TLN1: variants seen among roughly 807,000 people sequenced by gnomAD.
TLN1 encodes talin 1.
A neutral mutation model predicts 292.3 loss-of-function variants in TLN1; 56 were observed. The ratio of observed to expected loss-of-function variants is 0.19; its 90% CI spans 0.15 to 0.24. The LOEUF (loss-of-function observed/expected upper bound fraction) is 0.24, where lower values mean the gene tolerates loss of function less well. Among genes scored for constraint, TLN1 ranks in the 10% least tolerant of loss-of-function variants. The pLI is 1.00. For synonymous variants in TLN1, 1,119 were observed against 1,253.7 expected, an observed-to-expected ratio of 0.89 and a Z score of 2.27; for missense variants, 2,433 against 3,248.2, an observed-to-expected ratio of 0.75 and a Z score of 6.10.
Position 35,707,411 on chromosome 9 carries a change from G to A in TLN1, c.4710C>T (p.Asp1570=), listed in dbSNP as rs750170503. The A allele has an allele frequency of 1.2e-6, 2 of 1,614,174 alleles. No homozygotes were observed. The highest frequency in any genetic ancestry group is 3.3e-5 in the Admixed American group (2 of 60,020). The change falls in exon 36 of 57, where the codon GAC becomes GAT. Residue 1570 remains aspartate (D), a synonymous_variant. Transcript: ENST00000314888. This position sits in a 1 kb window ranked among gnomAD's most constrained non-coding sequence, Gnocchi z 5.6. ...AATAPLLEAV[D]NLSAFASNPE... ...GGTTGGACGCAAAGGCACTCAGATT[G>A]TCCACAGCCTCCAGCAGAGGGGCTG... is the stretch of plus-strand genomic sequence containing the variant.
At position 35,717,540 on chromosome 9, in the gene TLN1, A is replaced by G; in HGVS notation, c.2163+79T>C. 1 of 1,577,048 alleles carries G rather than the reference A, an allele frequency of 6.3e-7. No individual in the cohort carries two copies. Among genetic ancestry groups the G allele is most frequent in the Non-Finnish European group, 8.6e-7 (1 of 1,156,390 alleles). ...GATGGGTGAGGAGGCCTCCAGAGCC[A>G]AAGAAATAAAATGAAAGGCTCACGT... On this transcript the variant is annotated intron_variant, in intron 18 of 56. Transcript: ENST00000314888. This position sits in a 1 kb window ranked among gnomAD's most constrained non-coding sequence, Gnocchi z 4.7.
At position 35,724,471 on chromosome 9, in the gene TLN1, T is replaced by C; in HGVS notation, c.511+101A>G. ...GTGTAGGACTTTGTTTTCTCACTGATGTATCCCCAGGGTGTAAAACAGTGC... is the reference window on the plus strand; with the variant it reads ...GTGTAGGACTTTGTTTTCTCACTGACGTATCCCCAGGGTGTAAAACAGTGC... On this transcript the variant is annotated intron_variant, in intron 5 of 56. Coordinates refer to ENST00000314888, the MANE Select transcript of TLN1 (RefSeq NM_006289.4). The surrounding 1 kb of genome is among the most constrained non-coding windows in gnomAD (Gnocchi z 4.7). The C allele has an allele frequency of 1.3e-6, 2 of 1,562,706 alleles. No individual in the cohort carries two copies. Among genetic ancestry groups the C allele is most frequent in the South Asian group, 1.2e-5 (1 of 84,618 alleles).
intron 34 of TLN1, chr9:35,708,105 T>A: frequency 1.4e-6 from 1 of 716,548 alleles, no homozygotes; most frequent in Non-Finnish European, 2.2e-6. Context: ...GGAGAAACCA[T>A]AAGAGGGCAT....
In TLN1 at chr9:35,719,995, G is replaced by C. The variant is rs574054747; in HGVS notation, c.1464+44C>G. ...AACTCCTGGCTCGGCCCAGCTGAGG[G>C]TGAGAGAAGGGCCCTGGCACCGTGG... On this transcript the variant is annotated intron_variant, in intron 13 of 56. Transcript: ENST00000314888. This position sits in a 1 kb window ranked among gnomAD's most constrained non-coding sequence, Gnocchi z 4.6. 6.3e-7 allele frequency: 1 copy of C among 1,581,164 alleles called. No homozygotes were observed. The highest frequency in any genetic ancestry group is 2.2e-5 in the East Asian group (1 of 44,582).
chr9:35,710,649 T>C lies in TLN1; in HGVS notation c.4238A>G (p.Asn1413Ser). 6.2e-7 allele frequency: 1 copy of C among 1,614,202 alleles called. No individual in the cohort carries two copies. ...CTCTGGCAGGTTTCCGTTCTTGGCATTTTGGGAGATGCCAGTCATGGCCTC... is the reference window on the plus strand; with the variant it reads ...CTCTGGCAGGTTTCCGTTCTTGGCACTTTGGGAGATGCCAGTCATGGCCTC... Reference protein sequence around the residue: ...LGEAMTGISQNAKNGNLPEFG... With the variant: ...LGEAMTGISQSAKNGNLPEFG... The change falls in exon 33 of 57, where the codon AAT becomes AGT. Residue 1413 changes from asparagine (N) to serine (S), a missense_variant. Physicochemically the swap from Asn to Ser is conservative, Grantham distance 46. This residue lies in a region of TLN1 where 1,384 missense variants were observed against 1,699.6 expected (regional missense o/e 0.81). Transcript: ENST00000314888.
intron 33 of TLN1, among the ~76,000 whole-genome samples, chr9:35,709,182 C>G (rs1825616239): frequency 6.6e-6 from 1 of 152,184 alleles, no homozygotes; most frequent in South Asian, 2.1e-4. Flanking sequence ...GTAGTCCCAG[C>G]TACTCGGGAG....
intron 7 of TLN1, chr9:35,723,736 G>T: frequency 1.7e-6 from 1 of 602,552 alleles, no homozygotes; most frequent in African/African-American, 1.9e-5. Context: ...CTTCAGAGAT[G>T]GGGGTAGGGG....
intron 33 of TLN1, 69 bp downstream of exon 33, chr9:35,710,492 T>C (rs887581670): frequency 8.3e-6 from 13 of 1,566,326 alleles, no homozygotes; most frequent in Middle Eastern, 4.7e-4. Flanking sequence ...TCTACAGGTA[T>C]GTCAGGCTGA....
chr9:35,700,734 C>T (rs1825451022), intron 48 of TLN1, among the ~76,000 whole-genome samples: 2 of 152,132 alleles, frequency 1.3e-5, no homozygotes, highest in South Asian at 4.1e-4. Context: ...AAGGAATGTT[C>T]TGGAATATAG....
At position 35,705,545 on chromosome 9, in the gene TLN1, G is replaced by C. The variant is rs186851757; in HGVS notation, c.5733+6C>G. ...GGGGGCAGGGCAGAGTTGCCTCCACGTTTACCTCTTCATTTTCAGCAGCCA... is the reference window on the plus strand; with the variant it reads ...GGGGGCAGGGCAGAGTTGCCTCCACCTTTACCTCTTCATTTTCAGCAGCCA... On this transcript the variant is annotated splice_donor_region_variant and intron_variant, in intron 43 of 56. Transcript: ENST00000314888. The C allele has an allele frequency of 1.3e-6, 2 of 1,575,962 alleles. No individual in the cohort carries two copies. Among genetic ancestry groups the C allele is most frequent in the Non-Finnish European group, 1.7e-6 (2 of 1,158,654 alleles).
At position 35,714,586 on chromosome 9, in the gene TLN1, C is replaced by G; in HGVS notation, c.2973G>C (p.Gln991His). The G allele has an allele frequency of 6.2e-7, 1 of 1,611,080 alleles. No individual in the cohort carries two copies. The highest frequency in any genetic ancestry group is 1.3e-5 in the African/African-American group (1 of 75,034). ...GGGGGTGCCTTGCCTGCAGGAAGCT[C>G]TGGCTGGCAGCAATGAGGGCAAGCT... is the stretch of plus-strand genomic sequence containing the variant. ...SAQLALIAAS[Q>H]SFLQPGGKMV... The change falls in exon 23 of 57, where the codon CAG (glutamine) becomes CAC (histidine). Residue 991 changes from glutamine to histidine, a missense_variant. Physicochemically the swap from Gln to His is conservative, Grantham distance 24 (BLOSUM62 0). Coordinates refer to ENST00000314888, the MANE Select transcript of TLN1 (RefSeq NM_006289.4). This position sits in a 1 kb window ranked among gnomAD's most constrained non-coding sequence, Gnocchi z 4.6.
chr9:35,729,075 A>C (rs138623595), intron 1 of TLN1, among the ~76,000 whole-genome samples: 29 of 139,156 alleles, frequency 2.1e-4, no homozygotes, highest in Admixed American at 8.8e-4. Context: ...TTTATTGACT[A>C]TGTCACTTGC....
At chr9:35,729,678 G>A (rs1257411315) in intron 1 of TLN1, among the ~76,000 whole-genome samples, 1 of 141,328 alleles carries the variant, frequency 7.1e-6, no homozygotes, top group East Asian at 2.4e-4. Context: ...GTTTGGGGAG[G>A]TAGAAATGAC....
At position 35,724,322 on chromosome 9, in the gene TLN1, T is replaced by C. The variant is rs749963448; in HGVS notation, c.524A>G (p.Asp175Gly). The C allele has an allele frequency of 6.2e-7, 1 of 1,614,138 alleles. No individual in the cohort carries two copies. Among genetic ancestry groups the C allele is most frequent in the Non-Finnish European group, 8.5e-7 (1 of 1,180,024 alleles). Reference sequence around the variant, plus strand: ...CTGCTCCCTCAGTGTCCGACCATGGTCCAGCCAGTTCACTGGGATACAGAC... The same window carrying C: ...CTGCTCCCTCAGTGTCCGACCATGGCCCAGCCAGTTCACTGGGATACAGAC... ...LHTDDELNWLDHGRTLREQGV... is the reference protein window; with the variant it reads ...LHTDDELNWLGHGRTLREQGV... The change falls in exon 6 of 57, where the codon GAC becomes GGC. Residue 175 changes from aspartate (D) to glycine (G), a missense_variant. By Grantham distance (94) the Asp-to-Gly change is moderately conservative (BLOSUM62 -1). Coordinates refer to ENST00000314888, the MANE Select transcript of TLN1 (RefSeq NM_006289.4). This position sits in a 1 kb window ranked among gnomAD's most constrained non-coding sequence, Gnocchi z 4.7.
chr9:35,725,761 C>T (rs1008234969), intron 1 of TLN1, 34 bp from the exon 2 acceptor site: 13 of 1,576,414 alleles, frequency 8.2e-6, no homozygotes, highest in Admixed American at 5.1e-5. Flanking sequence ...AGAATACACT[C>T]TTCTGGTGGG....
Position 35,719,429 on chromosome 9 carries a change from C to T in TLN1, c.1687+90G>A. The T allele has an allele frequency of 1.5e-6, 2 of 1,370,228 alleles. No homozygotes were observed. Among genetic ancestry groups the T allele is most frequent in the Non-Finnish European group, 1.0e-6 (1 of 960,886 alleles). 84.9% of individuals were successfully genotyped at this position (1,370,228 alleles called of 1,614,324 possible). On this transcript the variant is annotated intron_variant, in intron 15 of 56. Transcript: ENST00000314888. The surrounding 1 kb of genome is among the most constrained non-coding windows in gnomAD (Gnocchi z 4.6). ...GTCCCTTCCACAGTGAGTCAAGGCA[C>T]AGTCACACATGAAGCCAGTCACATG... is the stretch of plus-strand genomic sequence containing the variant.
At chr9:35,721,505 A>T in intron 10 of TLN1, 143 bp downstream of exon 10, 1 of 816,558 alleles carries the variant, frequency 1.2e-6, no homozygotes. Context: ...ACTCTCCCAG[A>T]GGAAGATTCT....
chr9:35,719,456 A>T lies in TLN1; in HGVS notation c.1687+63T>A. The T allele has an allele frequency of 6.9e-7, 1 of 1,457,450 alleles. No homozygotes were observed. The highest frequency in any genetic ancestry group is 9.6e-7 in the Non-Finnish European group (1 of 1,038,476). The allele number at this position is 1,457,450 out of a possible 1,614,324, so 90.3% of individuals were successfully genotyped here. A position where few individuals can be genotyped will look rare whatever the true frequency, so the allele number is the denominator to read the frequency against. On this transcript the variant is annotated intron_variant, in intron 15 of 56. Coordinates refer to ENST00000314888, the MANE Select transcript of TLN1 (RefSeq NM_006289.4). This position sits in a 1 kb window ranked among gnomAD's most constrained non-coding sequence, Gnocchi z 4.6. Reference sequence around the variant, plus strand: ...GTCACACATGAAGCCAGTCACATGCATGCCTGTGCACACTTGCACCCCCTC... The same window carrying T: ...GTCACACATGAAGCCAGTCACATGCTTGCCTGTGCACACTTGCACCCCCTC...
chr9:35,704,547 G>T lies in TLN1; in HGVS notation c.5881-49C>A. ...GACTGTGGAAGGTGCCATGTGAAAT[G>T]GAAAGGTTGCCCATGCCTGGGAGAA... On this transcript the variant is annotated intron_variant, in intron 44 of 56. Coordinates refer to ENST00000314888, the MANE Select transcript of TLN1 (RefSeq NM_006289.4). This position sits in a 1 kb window ranked among gnomAD's most constrained non-coding sequence, Gnocchi z 6.9. 6.3e-7 allele frequency: 1 copy of T among 1,582,836 alleles called. No individual in the cohort carries two copies. Among genetic ancestry groups the T allele is most frequent in the Non-Finnish European group, 8.6e-7 (1 of 1,162,672 alleles).
Sources: allele counts gnomAD v4.1 joint callset (sites outside exome capture counted in the v4.1 genomes callset), GRCh38; gene constraint gnomAD v4.1.1; regional missense constraint gnomAD v4.1.1; non-coding constraint Gnocchi (gnomAD v3.1); transcripts MANE v1.5; gene names NCBI Gene and HGNC (gene_info 2026-07-23, HGNC 2026-07-21).